The following MMP16 variants were observed in gnomAD, a reference collection of about 807,000 sequenced individuals.
The protein encoded by MMP16 is matrix metalloproteinase-16.
MMP16 carries 12 observed loss-of-function variants against 67.8 expected under a neutral mutation model. The ratio of observed to expected loss-of-function variants is 0.18; its 90% CI spans 0.11 to 0.29. The LOEUF (loss-of-function observed/expected upper bound fraction) is 0.29. Among genes scored for constraint, MMP16 ranks in the 10% least tolerant of loss-of-function variants. The pLI, the probability that MMP16 is intolerant of heterozygous loss-of-function variation, is 1.00. For synonymous variants in MMP16, 249 were observed against 255.9 expected (o/e 0.97, Z 0.26); for missense variants, 475 against 765.7 (o/e 0.62, Z 4.48).
chr8:88,136,515 T>C (rs1315962290), intron 4 of MMP16, among the ~76,000 whole-genome samples: 11 of 151,812 alleles, frequency 7.2e-5, no homozygotes, highest in Non-Finnish European at 1.2e-4. Context: ...GTAATCCATC[T>C]GCTTGAGTCT....
intron 1 of MMP16, among the ~76,000 whole-genome samples, chr8:88,203,078 G>C (rs939050025): frequency 2.7e-5 from 4 of 148,404 alleles, no homozygotes; most frequent in Non-Finnish European, 5.9e-5. Flanking sequence ...GTCCCACTGA[G>C]ATGAAGGTAC....
intron 1 of MMP16, among the ~76,000 whole-genome samples, chr8:88,201,456 G>C (rs1809344192): frequency 6.6e-6 from 1 of 152,130 alleles, no homozygotes; most frequent in South Asian, 2.1e-4. Context: ...GAATAGAAAA[G>C]TGCAAAGGTG....
At chr8:88,071,331 G>T (rs1480689332) in intron 7 of MMP16, among the ~76,000 whole-genome samples, 3 of 152,038 alleles carry the variant, frequency 2.0e-5, no homozygotes, top group Non-Finnish European at 2.9e-5. Context: ...ATGAAAACAA[G>T]GTTAATACCT....
At chr8:88,055,475 T>C (rs972922545) in intron 8 of MMP16, among the ~76,000 whole-genome samples, 1 of 152,202 alleles carries the variant, frequency 6.6e-6, no homozygotes, top group African/African-American at 2.4e-5. Flanking sequence ...CGCAAAATGC[T>C]GGGATTACAG....
intron 6 of MMP16, among the ~76,000 whole-genome samples, chr8:88,093,195 C>T (rs769021080): frequency 4.6e-5 from 7 of 151,880 alleles, no homozygotes; most frequent in Non-Finnish European, 1.0e-4. Flanking sequence ...GCTAGCAAAA[C>T]ACTGGGAGTA....
intron 8 of MMP16, among the ~76,000 whole-genome samples, chr8:88,052,400 A>T (rs890966121): frequency 2.6e-5 from 4 of 152,124 alleles, no homozygotes; most frequent in African/African-American, 9.7e-5. Flanking sequence ...CTCAAAATGT[A>T]TCCTGCACCC....
rs190859105 is a variant in MMP16 at position 88,167,287 on chromosome 8, C to T, written c.709+382G>A. 2.7e-3 allele frequency among the ~76,000 whole-genome samples: 410 copies of T among 151,794 alleles called. 3 individuals carry two copies. Among genetic ancestry groups the T allele is most frequent in the African/African-American group, 8.8e-3 (366 of 41,400 alleles). ...AGAAGCCAGACTGCAGATGCTAATC[C>T]GGATTAAATTACAAGTAGAAACATT... is the stretch of plus-strand genomic sequence containing the variant. On this transcript the variant is annotated intron_variant, in intron 4 of 9. Transcript: ENST00000286614.
intron 4 of MMP16, among the ~76,000 whole-genome samples, chr8:88,145,062 C>A (rs1808269080): frequency 6.6e-6 from 1 of 151,952 alleles, no homozygotes; most frequent in African/African-American, 2.4e-5. Context: ...AAACACTATT[C>A]TATTTTTAAT....
Position 88,038,876 on chromosome 8 carries a change from A to G in MMP16, c.*2585T>C, listed in dbSNP as rs1281887718. The stretch of plus-strand genomic sequence containing the variant: ...CCTCTTAAAATATTGTCTGCATTGT[A>G]TGATATTTTACTGTAAAGCCATTCT... On this transcript the variant is annotated 3_prime_UTR_variant, in exon 10 of 10. Coordinates refer to ENST00000286614, the MANE Select transcript of MMP16 (RefSeq NM_005941.5). The surrounding 1 kb of genome is among the most constrained non-coding windows in gnomAD (Gnocchi z 4.1). 2 of 152,564 alleles carry G rather than the reference A, an allele frequency of 1.3e-5. No individual in the cohort carries two copies. Among genetic ancestry groups the G allele is most frequent in the African/African-American group, 4.8e-5 (2 of 41,440 alleles). 9.5% of individuals were successfully genotyped at this position (152,564 alleles called of 1,614,324 possible).
intron 1 of MMP16, among the ~76,000 whole-genome samples, chr8:88,296,437 A>T (rs1811014462): frequency 6.6e-6 from 1 of 152,168 alleles, no homozygotes; most frequent in Non-Finnish European, 1.5e-5. Context: ...GACATTAAAC[A>T]TTTGTTATTT....
intron 7 of MMP16, among the ~76,000 whole-genome samples, chr8:88,070,173 C>A (rs566767280): frequency 6.6e-6 from 1 of 152,144 alleles, no homozygotes; most frequent in East Asian, 1.9e-4. Flanking sequence ...TGTTCCTGAT[C>A]TTTTGGGGTA....
At chr8:88,158,411 G>T (rs1808552093) in intron 4 of MMP16, among the ~76,000 whole-genome samples, 1 of 152,184 alleles carries the variant, frequency 6.6e-6, no homozygotes, top group African/African-American at 2.4e-5. Context: ...GCATTTCTCT[G>T]ATGACCAGTG....
intron 6 of MMP16, among the ~76,000 whole-genome samples, chr8:88,079,486 T>C (rs1244952885): frequency 2.6e-5 from 4 of 152,082 alleles, no homozygotes; most frequent in African/African-American, 9.7e-5. Context: ...CCACTGGGGG[T>C]CCTGGAACAT....
intron 1 of MMP16, among the ~76,000 whole-genome samples, chr8:88,244,569 T>C (rs939058011): frequency 2.6e-5 from 4 of 152,216 alleles, no homozygotes; most frequent in Admixed American, 1.3e-4. Flanking sequence ...TCAAGCACTC[T>C]TGTATTTTAC....
chr8:88,041,025 A>G lies in MMP16; in HGVS notation c.*436T>C, dbSNP rs1808125288. ...TTTGTTTTAAAGCAAAAAAAGAAAA[A>G]AAGAAAAAAAGAAAAAAAGAAAAAC... On this transcript the variant is annotated 3_prime_UTR_variant, in exon 10 of 10. Transcript: ENST00000286614. This position sits in a 1 kb window ranked among gnomAD's most constrained non-coding sequence, Gnocchi z 6.0. 6.5e-6 allele frequency: 1 copy of G among 153,290 alleles called. No individual in the cohort carries two copies. The highest frequency in any genetic ancestry group is 1.5e-5 in the Non-Finnish European group (1 of 68,668). 9.5% of individuals were successfully genotyped at this position (153,290 alleles called of 1,614,324 possible).
intron 7 of MMP16, among the ~76,000 whole-genome samples, chr8:88,067,318 C>A (rs1015303009): frequency 6.6e-6 from 1 of 152,004 alleles, no homozygotes; most frequent in African/African-American, 2.4e-5. Context: ...TGCTCTGGAA[C>A]AACGAAGGAA....
intron 8 of MMP16, 92 bp downstream of exon 8, chr8:88,056,036 C>T (rs1808327998): frequency 5.9e-6 from 6 of 1,018,648 alleles, no homozygotes; most frequent in Non-Finnish European, 5.3e-6. Flanking sequence ...CACCAGGATT[C>T]TTCAACAGCT....
chr8:88,311,223 T>A (rs1811289403), intron 1 of MMP16, among the ~76,000 whole-genome samples: 1 of 152,066 alleles, frequency 6.6e-6, no homozygotes, highest in Non-Finnish European at 1.5e-5. Flanking sequence ...AATTAAGCAT[T>A]TTGATAAAGA....
chr8:88,186,602 CAAAAAAAAA>C lies in MMP16; in HGVS notation c.282-13_282-5del, dbSNP rs4043665. On this transcript the variant is annotated splice_region_variant and splice_polypyrimidine_tract_variant and intron_variant, in intron 2 of 9. Transcript: ENST00000286614. The stretch of plus-strand genomic sequence containing the variant: ...GCATCGGGGCTTCTTCATCCAGCTG[CAAAAAAAAA>C]AAAAAAAAAAAAAAAGCAGTATTTT... 2.5e-4 allele frequency: 295 copies of C among 1,163,352 alleles called. No homozygotes were observed. The highest frequency in any genetic ancestry group is 6.9e-4 in the Middle Eastern group (2 of 2,914). The allele number at this position is 1,163,352 out of a possible 1,614,324, so 72.1% of individuals were successfully genotyped here. A position where few individuals can be genotyped will look rare whatever the true frequency, so the allele number is the denominator to read the frequency against.
Sources: gnomAD v4.1 joint callset for allele counts (sites outside exome capture counted in the v4.1 genomes callset) on GRCh38, gnomAD v4.1.1 for gene constraint, Gnocchi (gnomAD v3.1) non-coding constraint, MANE v1.5 for transcripts, NCBI Gene and HGNC (gene_info 2026-07-23, HGNC 2026-07-21) for gene names.